NRG3: variants seen among roughly 807,000 people sequenced by gnomAD.
The protein encoded by NRG3 is pro-neuregulin-3, membrane-bound isoform.
Under a neutral mutation model 66.9 loss-of-function variants are expected in NRG3, and 31 were observed. The observed-to-expected ratio is 0.46, with a 90% CI of 0.35 to 0.63. The LOEUF is 0.63. Ranked by LOEUF, NRG3 falls within the 20% of genes least tolerant of loss-of-function variation. NRG3 has a pLI of 0.00. For synonymous variants in NRG3, 393 were observed against 359.4 expected (o/e 1.09, Z -1.06); for missense variants, 910 against 878.9 (o/e 1.04, Z -0.45).
chr10:81,940,709 A>AAAAGGCTGGAAAAT lies in NRG3; in HGVS notation c.823+64547_823+64560dup, dbSNP rs373853056. ...CTCTCTTTGGTCATGCTTACATGCA[A>AAAAGGCTGGAAAAT]AAAGGCTGGAAAATGTAGTCCAATT... is the stretch of plus-strand genomic sequence containing the variant. On this transcript the variant is annotated intron_variant, in intron 1 of 8. Coordinates refer to ENST00000372141, the MANE Select transcript of NRG3 (RefSeq NM_001010848.4). 6.2e-3 allele frequency among the ~76,000 whole-genome samples: 947 copies of AAAAGGCTGGAAAAT among 152,120 alleles called. 7 individuals carry two copies. Among genetic ancestry groups the AAAAGGCTGGAAAAT allele is most frequent in the African/African-American group, 0.021 (888 of 41,514 alleles).
chr10:81,982,601 C>T (rs2060371040), intron 1 of NRG3, among the ~76,000 whole-genome samples: 2 of 152,196 alleles, frequency 1.3e-5, no homozygotes, highest in African/African-American at 4.8e-5. Context: ...TTCAGCAAGC[C>T]TGAGCCTCTC....
At chr10:82,227,384 G>A (rs2076219279) in intron 1 of NRG3, among the ~76,000 whole-genome samples, 1 of 151,922 alleles carries the variant, frequency 6.6e-6, no homozygotes, top group Non-Finnish European at 1.5e-5. Context: ...TTGACAACTG[G>A]CTCATTATTA....
At chr10:82,095,745 C>A (rs1470502622) in intron 1 of NRG3, among the ~76,000 whole-genome samples, 1 of 152,208 alleles carries the variant, frequency 6.6e-6, no homozygotes, top group Non-Finnish European at 1.5e-5. Context: ...AAACTTAACT[C>A]ACTCTTCCCT....
At chr10:82,468,529 C>A (rs1840916047) in intron 2 of NRG3, among the ~76,000 whole-genome samples, 1 of 152,176 alleles carries the variant, frequency 6.6e-6, no homozygotes, top group African/African-American at 2.4e-5. Flanking sequence ...TGACCACCAC[C>A]TTTTTAAATC....
intron 2 of NRG3, among the ~76,000 whole-genome samples, chr10:82,649,696 T>C (rs530415996): frequency 5.3e-5 from 8 of 152,058 alleles, no homozygotes; most frequent in African/African-American, 1.9e-4. Context: ...TTAGGTGATC[T>C]GCCCACTTCA....
At chr10:82,904,761 GA>G (rs1844567107) in intron 4 of NRG3, among the ~76,000 whole-genome samples, 1 of 152,074 alleles carries the variant, frequency 6.6e-6, no homozygotes, top group Admixed American at 6.6e-5. Context: ...AGTAGATGGG[GA>G]AATGATTTCA....
At chr10:82,320,529 G>A (rs760841364) in intron 1 of NRG3, among the ~76,000 whole-genome samples, 1 of 152,114 alleles carries the variant, frequency 6.6e-6, no homozygotes, top group Admixed American at 6.5e-5. Flanking sequence ...TAAAATGAAG[G>A]CATTGGACTT....
chr10:82,174,984 C>G (rs1377125575), intron 1 of NRG3, among the ~76,000 whole-genome samples: 1 of 152,108 alleles, frequency 6.6e-6, no homozygotes, highest in African/African-American at 2.4e-5. Context: ...TTTTCCCTCT[C>G]TTTTTTAAAA....
At chr10:82,952,271 A>G (rs1430564045) in intron 5 of NRG3, among the ~76,000 whole-genome samples, 2 of 151,984 alleles carry the variant, frequency 1.3e-5, no homozygotes, top group East Asian at 1.9e-4. Context: ...CATCTCTAGG[A>G]AAAATACAAA....
intron 1 of NRG3, among the ~76,000 whole-genome samples, chr10:82,081,334 A>T (rs746410300): frequency 1.3e-5 from 2 of 152,112 alleles, no homozygotes; most frequent in Admixed American, 1.3e-4. Flanking sequence ...TTTAGAACTA[A>T]CTTTGAGGAC....
intron 4 of NRG3, among the ~76,000 whole-genome samples, chr10:82,915,486 C>G (rs531450140): frequency 1.3e-5 from 2 of 152,222 alleles, no homozygotes; most frequent in Admixed American, 1.3e-4. Context: ...TTTTTAAAAA[C>G]AAAATGTGTA....
intron 2 of NRG3, among the ~76,000 whole-genome samples, chr10:82,616,051 A>T (rs1044534223): frequency 3.3e-5 from 5 of 152,198 alleles, no homozygotes; most frequent in Non-Finnish European, 7.3e-5. Context: ...CAAAACACAC[A>T]TTCATCCACA....
chr10:82,810,633 G>T (rs1289074908), intron 3 of NRG3, among the ~76,000 whole-genome samples: 1 of 151,396 alleles, frequency 6.6e-6, no homozygotes, highest in Non-Finnish European at 1.5e-5. Context: ...CGTGCTGGTG[G>T]GTGCCTGTAA....
chr10:82,243,696 C>G (rs1364009153), intron 1 of NRG3, among the ~76,000 whole-genome samples: 1 of 152,140 alleles, frequency 6.6e-6, no homozygotes, highest in East Asian at 1.9e-4. Context: ...TAAGTTACTC[C>G]AACTTTCCCA....
chr10:82,640,992 T>A (rs2050531611), intron 2 of NRG3, among the ~76,000 whole-genome samples: 1 of 151,870 alleles, frequency 6.6e-6, no homozygotes, highest in Non-Finnish European at 1.5e-5. Context: ...CTAGGGTCTT[T>A]AAATTTTTCA....
At chr10:82,921,590 T>A (rs1846427020) in intron 4 of NRG3, among the ~76,000 whole-genome samples, 2 of 152,168 alleles carry the variant, frequency 1.3e-5, no homozygotes, top group South Asian at 4.1e-4. Context: ...CCTAAAACTA[T>A]TCTAAAATAA....
chr10:81,957,086 T>C (rs1324522760), intron 1 of NRG3, among the ~76,000 whole-genome samples: 1 of 152,136 alleles, frequency 6.6e-6, no homozygotes, highest in African/African-American at 2.4e-5. Context: ...GATAGGGTTA[T>C]TAGGAAGCAA....
chr10:82,151,309 T>C (rs1422015205), intron 1 of NRG3, among the ~76,000 whole-genome samples: 1 of 152,220 alleles, frequency 6.6e-6, no homozygotes, highest in African/African-American at 2.4e-5. Flanking sequence ...GGTCTTCAGG[T>C]GGAATGATTG....
intron 1 of NRG3, among the ~76,000 whole-genome samples, chr10:82,246,815 G>T (rs2077268484): frequency 6.6e-6 from 1 of 152,158 alleles, no homozygotes; most frequent in Non-Finnish European, 1.5e-5. Context: ...GTCTGAGTGT[G>T]AATGCTGGCC....
Sources: allele counts gnomAD v4.1 joint callset (sites outside exome capture counted in the v4.1 genomes callset), GRCh38; gene constraint gnomAD v4.1.1; transcripts MANE v1.5; gene names NCBI Gene and HGNC (gene_info 2026-07-23, HGNC 2026-07-21).